The following PTPRT variants were observed in gnomAD, a reference collection of about 807,000 sequenced individuals.
PTPRT encodes protein tyrosine phosphatase receptor type T, also known as receptor-type tyrosine-protein phosphatase T.
In PTPRT, 56 loss-of-function variants were observed where a neutral mutation model predicts 176.8. That is an observed-to-expected ratio of 0.32 (90% CI 0.26 to 0.40). The LOEUF (loss-of-function observed/expected upper bound fraction) is 0.40. Ranked by LOEUF, PTPRT falls within the 10% of genes least tolerant of loss-of-function variation. The pLI is 1.00. For missense variants in PTPRT, 1,540 were observed against 1,908.2 expected, an observed-to-expected ratio of 0.81 and a Z score of 3.60; for synonymous variants, 783 against 739.0, an observed-to-expected ratio of 1.06 and a Z score of -0.96.
At chr20:42,601,039 A>G (rs1489939079) in intron 7 of PTPRT, among the ~76,000 whole-genome samples, 1 of 152,088 alleles carries the variant, frequency 6.6e-6, no homozygotes, top group Non-Finnish European at 1.5e-5. Context: ...CATCTCTCAC[A>G]CTACTCTGAG....
chr20:42,991,813 G>A (rs971663754), intron 1 of PTPRT, among the ~76,000 whole-genome samples: 3 of 152,100 alleles, frequency 2.0e-5, no homozygotes, highest in African/African-American at 4.8e-5. Flanking sequence ...GCAAATATTT[G>A]TCTCACCCTT....
intron 7 of PTPRT, among the ~76,000 whole-genome samples, chr20:42,667,450 T>C (rs1190028953): frequency 6.6e-6 from 1 of 152,220 alleles, no homozygotes; most frequent in African/African-American, 2.4e-5. Context: ...ACTATAATCA[T>C]ACACTTTCTT....
chr20:42,324,744 A>G lies in PTPRT; in HGVS notation c.1866-8748T>C, dbSNP rs183959394. ...TACATTCCCTGCTTAAAGGTCACTC[A>G]GAACTATGGAGCTGAAATTTACAAT... On this transcript the variant is annotated intron_variant, in intron 11 of 30. Transcript: ENST00000373187. Among the ~76,000 whole-genome samples, 375 of 152,330 alleles carry G rather than the reference A, an allele frequency of 2.5e-3. No homozygotes were observed. In the Middle Eastern group the frequency reaches 0.027, roughly 11 times the overall value.
intron 13 of PTPRT, among the ~76,000 whole-genome samples, chr20:42,279,520 G>A: frequency 6.6e-6 from 1 of 152,278 alleles, no homozygotes; most frequent in Middle Eastern, 3.4e-3. Flanking sequence ...CCAGAACTGT[G>A]AGACAATAAA....
chr20:43,045,310 ACAC>A (rs1986786900), intron 1 of PTPRT, among the ~76,000 whole-genome samples: 1 of 152,188 alleles, frequency 6.6e-6, no homozygotes, highest in East Asian at 1.9e-4. Context: ...ACTGGTACTG[ACAC>A]AGCCTCCATG....
rs114265013 is a variant in PTPRT, at chr20:42,858,341, G to A, written c.214+27466C>T. On this transcript the variant is annotated intron_variant, in intron 2 of 30. Transcript: ENST00000373187. ...AGTGGATGAAAAATTACCAAGAGGA[G>A]ACAAGGGTAGGGAGATTCTTGCTAA... Among the ~76,000 whole-genome samples, 507 of 152,326 alleles carry A rather than the reference G, an allele frequency of 3.3e-3. 1 individual carries two copies. Among genetic ancestry groups the A allele is most frequent in the African/African-American group, 0.011 (472 of 41,572 alleles).
intron 7 of PTPRT, among the ~76,000 whole-genome samples, chr20:42,524,761 C>G (rs2072239007): frequency 6.6e-6 from 1 of 152,098 alleles, no homozygotes; most frequent in African/African-American, 2.4e-5. Flanking sequence ...ACTCTCATCC[C>G]ACTAACATGT....
intron 9 of PTPRT, among the ~76,000 whole-genome samples, chr20:42,371,763 A>G (rs528039209): frequency 6.6e-6 from 1 of 152,154 alleles, no homozygotes; most frequent in African/African-American, 2.4e-5. Flanking sequence ...AAGAACCTCA[A>G]CTACACTGGC....
intron 1 of PTPRT, among the ~76,000 whole-genome samples, chr20:43,093,071 G>C (rs1449366657): frequency 2.6e-5 from 4 of 152,162 alleles, no homozygotes; most frequent in East Asian, 1.9e-4. Flanking sequence ...AGAATCCCAA[G>C]GAAGGTTCAT....
intron 1 of PTPRT, among the ~76,000 whole-genome samples, chr20:42,997,526 T>C (rs1984289591): frequency 6.6e-6 from 1 of 152,146 alleles, no homozygotes; most frequent in Admixed American, 6.6e-5. Flanking sequence ...GCCCTCAAAC[T>C]GTCCCAGCAG....
At chr20:43,056,425 T>G (rs926969806) in intron 1 of PTPRT, among the ~76,000 whole-genome samples, 4 of 152,194 alleles carry the variant, frequency 2.6e-5, no homozygotes, top group African/African-American at 9.7e-5. Context: ...ATCCAGAGCT[T>G]CTCCTTGCCT....
At chr20:42,611,445 C>T (rs1485934534) in intron 7 of PTPRT, among the ~76,000 whole-genome samples, 4 of 152,182 alleles carry the variant, frequency 2.6e-5, no homozygotes, top group Non-Finnish European at 4.4e-5. Flanking sequence ...TCCCAATGTA[C>T]AGATCACAAT....
At chr20:42,928,270 T>G (rs1202167712) in intron 1 of PTPRT, among the ~76,000 whole-genome samples, 1 of 152,226 alleles carries the variant, frequency 6.6e-6, no homozygotes, top group Non-Finnish European at 1.5e-5. Flanking sequence ...ACAGTCCTGA[T>G]GACAATCTGA....
rs907155882 is a variant in PTPRT at position 42,574,848 on chromosome 20, T to C, written c.1154-102286A>G. ...CTCATGATAGTGAGTTCTCAAGAGA[T>C]CTGATGGGTTTATAAGTGTTTGGCA... On this transcript the variant is annotated intron_variant, in intron 7 of 30. Transcript: ENST00000373187. Among the ~76,000 whole-genome samples, 12 of 152,078 alleles carry C rather than the reference T, an allele frequency of 7.9e-5. 1 individual carries two copies. The South Asian group carries it at 2.5e-3, about 32-fold the overall frequency.
chr20:42,885,700 C>G, intron 2 of PTPRT, 107 bp downstream of exon 2: 1 of 1,409,940 alleles, frequency 7.1e-7, no homozygotes, highest in South Asian at 1.3e-5. Context: ...ACAGAGCTAT[C>G]GATTGCCATC....
intron 11 of PTPRT, among the ~76,000 whole-genome samples, chr20:42,327,004 T>A (rs1375618978): frequency 6.7e-6 from 1 of 149,474 alleles, no homozygotes; most frequent in Non-Finnish European, 1.5e-5. Context: ...TACTGGATAT[T>A]AAGTTATATT....
chr20:42,297,415 C>G (rs1302696771), intron 12 of PTPRT, among the ~76,000 whole-genome samples: 1 of 152,066 alleles, frequency 6.6e-6, no homozygotes, highest in Non-Finnish European at 1.5e-5. Context: ...AGAAAGACAT[C>G]CCTTATCTCA....
Position 42,199,431 on chromosome 20 carries a change from G to C in PTPRT, c.2343-43C>G, listed in dbSNP as rs1387996554. 1.9e-6 allele frequency: 3 copies of C among 1,599,642 alleles called. No individual in the cohort carries two copies. In the Admixed American group the frequency reaches 5.1e-5, roughly 27 times the overall value. On this transcript the variant is annotated intron_variant, in intron 15 of 30. Coordinates refer to ENST00000373187, the MANE Select transcript of PTPRT (RefSeq NM_007050.6). ...GGGGAAAAAACCACAGTCAGATGGTGCCAGTTGCATTAAAGCATTGGGTAG... is the reference window on the plus strand; with the variant it reads ...GGGGAAAAAACCACAGTCAGATGGTCCCAGTTGCATTAAAGCATTGGGTAG...
intron 7 of PTPRT, among the ~76,000 whole-genome samples, chr20:42,479,291 G>A (rs1327837528): frequency 6.6e-6 from 1 of 152,164 alleles, no homozygotes; most frequent in Non-Finnish European, 1.5e-5. Flanking sequence ...TTGGGGATGG[G>A]GCTGAAAATG....
Sources: allele counts gnomAD v4.1 joint callset (sites outside exome capture counted in the v4.1 genomes callset), GRCh38; gene constraint gnomAD v4.1.1; transcripts MANE v1.5; gene names NCBI Gene and HGNC (gene_info 2026-07-23, HGNC 2026-07-21).